Variants in THSD7B observed in about 807,000 individuals in gnomAD.
The protein encoded by THSD7B is thrombospondin type 1 domain containing 7B.
THSD7B carries 138 observed loss-of-function variants against 213.6 expected under a neutral mutation model. The ratio of observed to expected loss-of-function variants is 0.65; its 90% CI spans 0.56 to 0.74. The LOEUF is 0.74. Ranked by LOEUF, THSD7B falls within the 30% of genes least tolerant of loss-of-function variation. The probability of loss-of-function intolerance (pLI) is 0.00; values close to 1 mark genes in which losing one functional copy is unlikely to be tolerated. For synonymous variants in THSD7B, 742 were observed against 687.0 expected, an observed-to-expected ratio of 1.08 and a Z score of -1.25; for missense variants, 1,931 against 1,991.5, an observed-to-expected ratio of 0.97 and a Z score of 0.58.
intron 15 of THSD7B, among the ~76,000 whole-genome samples, chr2:137,454,680 A>G (rs1687728592): frequency 6.6e-6 from 1 of 152,066 alleles, no homozygotes; most frequent in Non-Finnish European, 1.5e-5. Context: ...CCCAGCTTCT[A>G]TTATTTATGG....
chr2:137,673,432 A>T (rs146561537), intron 27 of THSD7B, among the ~76,000 whole-genome samples: 179 of 152,264 alleles, frequency 1.2e-3, no homozygotes, highest in African/African-American at 4.1e-3. Context: ...AGAGATGTCC[A>T]CCTGGGCACA....
At chr2:137,622,804 C>G (rs1427302514) in intron 20 of THSD7B, among the ~76,000 whole-genome samples, 16 of 152,048 alleles carry the variant, frequency 1.1e-4, no homozygotes, top group Admixed American at 1.0e-3. Context: ...CTGAATGGAC[C>G]AATAACAGGC....
At chr2:137,410,494 C>G (rs1686630452) in intron 13 of THSD7B, among the ~76,000 whole-genome samples, 1 of 152,118 alleles carries the variant, frequency 6.6e-6, no homozygotes. Context: ...GTCTCGAACT[C>G]CTGATCTCAA....
At chr2:136,945,541 C>T (rs1174746519) in intron 2 of THSD7B, among the ~76,000 whole-genome samples, 1 of 152,140 alleles carries the variant, frequency 6.6e-6, no homozygotes, top group Admixed American at 6.6e-5. Flanking sequence ...GGAAAGTTCT[C>T]CTGGATAATA....
intron 12 of THSD7B, among the ~76,000 whole-genome samples, chr2:137,328,756 C>T (rs768529265): frequency 2.0e-5 from 3 of 152,156 alleles, no homozygotes; most frequent in East Asian, 1.9e-4. Flanking sequence ...TGGCAGTTTC[C>T]CCTATGCTAT....
chr2:137,647,203 G>A (rs1283009070), intron 21 of THSD7B, among the ~76,000 whole-genome samples: 1 of 152,076 alleles, frequency 6.6e-6, no homozygotes, highest in African/African-American at 2.4e-5. Context: ...CCTCTGCAAG[G>A]GCTATAGAAG....
chr2:137,026,539 C>G (rs897254910), intron 2 of THSD7B, among the ~76,000 whole-genome samples: 1 of 152,140 alleles, frequency 6.6e-6, no homozygotes, highest in Admixed American at 6.6e-5. Context: ...AAATTTCCCT[C>G]AAAATGAACT....
chr2:136,854,725 T>C (rs928857988), intron 1 of THSD7B, among the ~76,000 whole-genome samples: 1 of 151,466 alleles, frequency 6.6e-6, no homozygotes, highest in Admixed American at 6.6e-5. Context: ...GTGTTTTTCC[T>C]CTGTCTTTAC....
At chr2:137,269,847 T>C (rs1682692990) in intron 10 of THSD7B, among the ~76,000 whole-genome samples, 1 of 152,190 alleles carries the variant, frequency 6.6e-6, no homozygotes, top group African/African-American at 2.4e-5. Context: ...AAGGGGCCAA[T>C]TACAGGATTT....
chr2:136,937,409 C>T (rs754626198), intron 2 of THSD7B, among the ~76,000 whole-genome samples: 3 of 152,098 alleles, frequency 2.0e-5, no homozygotes, highest in Non-Finnish European at 2.9e-5. Context: ...CATTTGCTGA[C>T]ATCTCGAGGT....
intron 1 of THSD7B, among the ~76,000 whole-genome samples, chr2:136,803,112 A>G (rs1049389565): frequency 3.3e-5 from 5 of 152,018 alleles, no homozygotes; most frequent in Admixed American, 6.5e-5. Context: ...GAATTTAGAT[A>G]TATTATGGAT....
intron 12 of THSD7B, among the ~76,000 whole-genome samples, chr2:137,323,486 T>A (rs1684306518): frequency 6.6e-6 from 1 of 152,200 alleles, no homozygotes; most frequent in African/African-American, 2.4e-5. Flanking sequence ...CTCTTTTATT[T>A]CCAGTCAAAA....
At chr2:136,913,295 G>A (rs556204319) in intron 2 of THSD7B, among the ~76,000 whole-genome samples, 35 of 152,292 alleles carry the variant, frequency 2.3e-4, no homozygotes, top group Admixed American at 2.1e-3. Context: ...GAGGTGACTT[G>A]GGTACTGTTA....
intron 14 of THSD7B, among the ~76,000 whole-genome samples, chr2:137,440,341 C>G (rs1316820800): frequency 6.6e-6 from 1 of 152,062 alleles, no homozygotes; most frequent in East Asian, 1.9e-4. Flanking sequence ...AGATTTCAGA[C>G]TAGAAAAAGT....
chr2:137,217,712 A>T lies in THSD7B; in HGVS notation c.1724-13332A>T, dbSNP rs138152495. ...AACCAAAAACATCTCAGATGCTAAA[A>T]CATCTGTTCAGCTCAATTATGCTCA... On this transcript the variant is annotated intron_variant, in intron 7 of 27. Transcript: ENST00000409968. Among the ~76,000 whole-genome samples the T allele has an allele frequency of 2.6e-5, 4 of 152,296 alleles. No homozygotes were observed. In the East Asian group the frequency reaches 7.7e-4, roughly 29 times the overall value.
rs544054947 is a variant in THSD7B, at chr2:137,009,596, T to G, written c.140-46824T>G. ...CATAATCATGATGGAAGGGGAAAGGTGCGTCTTACATGGTGCCAGACAAGA... is the reference window on the plus strand; with the variant it reads ...CATAATCATGATGGAAGGGGAAAGGGGCGTCTTACATGGTGCCAGACAAGA... On this transcript the variant is annotated intron_variant, in intron 2 of 27. Coordinates refer to ENST00000409968, the MANE Select transcript of THSD7B (RefSeq NM_001316349.2). Among the ~76,000 whole-genome samples the G allele has an allele frequency of 2.6e-5, 4 of 152,150 alleles. No individual in the cohort carries two copies. The South Asian group carries it at 8.3e-4, about 32-fold the overall frequency.
chr2:137,308,162 A>T (rs1009293123), intron 12 of THSD7B, among the ~76,000 whole-genome samples: 10 of 152,016 alleles, frequency 6.6e-5, no homozygotes, highest in Non-Finnish European at 2.9e-5. Flanking sequence ...AGAACATTGT[A>T]TGCATGTGCA....
chr2:137,669,077 ATTTT>A (rs55970203), intron 27 of THSD7B, among the ~76,000 whole-genome samples: 1 of 151,944 alleles, frequency 6.6e-6, no homozygotes, highest in Non-Finnish European at 1.5e-5. Flanking sequence ...GTTTCAATGG[ATTTT>A]TTTTAATTTT....
At chr2:137,276,065 TAA>T (rs765384768) in intron 12 of THSD7B, 39 bp downstream of exon 12, 2 of 1,455,518 alleles carry the variant, frequency 1.4e-6, no homozygotes, top group African/African-American at 2.8e-5. Flanking sequence ...TATTAATACG[TAA>T]GTTAACATTA....
Sources: gnomAD v4.1 joint callset for allele counts (sites outside exome capture counted in the v4.1 genomes callset) on GRCh38, gnomAD v4.1.1 for gene constraint, MANE v1.5 for transcripts, NCBI Gene and HGNC (gene_info 2026-07-23, HGNC 2026-07-21) for gene names.